The following TEX2 variants were observed in gnomAD, a reference collection of about 807,000 sequenced individuals.
TEX2 encodes testis-expressed protein 2.
A neutral mutation model predicts 106.9 loss-of-function variants in TEX2; 53 were observed. That is an observed-to-expected ratio of 0.50 (90% CI 0.40 to 0.62). The LOEUF (loss-of-function observed/expected upper bound fraction) is 0.62, where lower values mean the gene tolerates loss of function less well. TEX2 is among the 20% of genes least tolerant of loss of function. TEX2 has a pLI of 0.00. For synonymous variants in TEX2, 523 were observed against 534.8 expected (o/e 0.98, Z 0.30); for missense variants, 1,207 against 1,379.0 (o/e 0.88, Z 1.98).
At chr17:64,170,622 C>CTTTGTT (rs2031341343) in intron 7 of TEX2, among the ~76,000 whole-genome samples, 1 of 73,742 alleles carries the variant, frequency 1.4e-5, no homozygotes, top group Non-Finnish European at 2.4e-5. Context: ...TATTCCAAAT[C>CTTTGTT]TTTTTTTTTT....
chr17:64,178,708 C>A (rs2031712483), intron 5 of TEX2, among the ~76,000 whole-genome samples: 1 of 152,150 alleles, frequency 6.6e-6, no homozygotes, highest in Admixed American at 6.5e-5. Context: ...GTGAATTATT[C>A]CCCCTTTCCC....
In TEX2 at chr17:64,213,117, A is replaced by G. The variant is rs782545798; in HGVS notation, c.1101T>C (p.Ser367=). 6.2e-7 allele frequency: 1 copy of G among 1,614,156 alleles called. No individual in the cohort carries two copies. Among genetic ancestry groups the G allele is most frequent in the Non-Finnish European group, 8.5e-7 (1 of 1,180,032 alleles). ...GYGSDSNIPR[S]DHPKSTGEPT... ...GCTCACCAGTGGACTTTGGGTGGTC[A>G]CTTCTGGGGATGTTGGAATCACTTC... The change falls in exon 2 of 12, where the codon AGT becomes AGC. Residue 367 remains serine, a synonymous_variant. Transcript: ENST00000584379. This position sits in a 1 kb window ranked among gnomAD's most constrained non-coding sequence, Gnocchi z 4.4.
intron 7 of TEX2, 127 bp downstream of exon 7, chr17:64,170,973 A>G: frequency 1.3e-6 from 1 of 742,570 alleles, no homozygotes; most frequent in Non-Finnish European, 2.2e-6. Flanking sequence ...AAGAACAGAA[A>G]GACACTCAAC....
chr17:64,165,003 C>CA (rs2031061182), intron 7 of TEX2, among the ~76,000 whole-genome samples: 1 of 152,216 alleles, frequency 6.6e-6, no homozygotes, highest in Admixed American at 6.5e-5. Context: ...TTAAGGGAAC[C>CA]AAAACCCTGC....
At chr17:64,255,201 T>C (rs2034162759) in intron 1 of TEX2, among the ~76,000 whole-genome samples, 1 of 152,072 alleles carries the variant, frequency 6.6e-6, no homozygotes, top group South Asian at 2.1e-4. Context: ...CACTGCCCAG[T>C]ACAGTTGCTA....
At position 64,214,278 on chromosome 17, in the gene TEX2, C is replaced by T. The variant is rs1298866558; in HGVS notation, c.-25-36G>A. 3 of 1,539,038 alleles carry T rather than the reference C, an allele frequency of 1.9e-6. No individual in the cohort carries two copies. The East Asian group carries it at 6.8e-5, about 35-fold the overall frequency. ...AGTGAGAAAACCAGAAGTCAGAGAG[C>T]AGTTTCTCCACAGGAGACGCTGTCA... On this transcript the variant is annotated intron_variant, in intron 1 of 11. Coordinates refer to ENST00000584379, the MANE Select transcript of TEX2 (RefSeq NM_001288732.2).
chr17:64,257,978 C>T (rs1251155893), intron 1 of TEX2, among the ~76,000 whole-genome samples: 1 of 151,248 alleles, frequency 6.6e-6, no homozygotes, highest in Non-Finnish European at 1.5e-5. Context: ...ATGGTGCAAT[C>T]TTGGCTCACT....
chr17:64,167,916 A>G (rs1425851801), intron 7 of TEX2, among the ~76,000 whole-genome samples: 1 of 152,194 alleles, frequency 6.6e-6, no homozygotes, highest in African/African-American at 2.4e-5. Context: ...TCGGGTCCAG[A>G]GCTGGTGCTC....
chr17:64,257,737 T>C (rs1386527285), intron 1 of TEX2, among the ~76,000 whole-genome samples: 1 of 152,188 alleles, frequency 6.6e-6, no homozygotes, highest in African/African-American at 2.4e-5. Context: ...ACAAGATTAA[T>C]GACGCTGGCA....
intron 7 of TEX2, among the ~76,000 whole-genome samples, chr17:64,167,471 T>C (rs1216539732): frequency 6.6e-6 from 1 of 152,060 alleles, no homozygotes; most frequent in African/African-American, 2.4e-5. Context: ...TAGTGCCTTT[T>C]TTGTATTGAC....
At chr17:64,240,216 A>C (rs2033860665) in intron 1 of TEX2, among the ~76,000 whole-genome samples, 1 of 148,834 alleles carries the variant, frequency 6.7e-6, no homozygotes, top group African/African-American at 2.6e-5. Flanking sequence ...GATGTATATA[A>C]GTATGTGTAT....
intron 11 of TEX2, 75 bp from the exon 12 acceptor site, chr17:64,149,166 T>G: frequency 1.3e-6 from 2 of 1,533,544 alleles, no homozygotes; most frequent in Non-Finnish European, 1.8e-6. Context: ...GTTCTGATAA[T>G]TTTAGGGCTT....
intron 1 of TEX2, among the ~76,000 whole-genome samples, chr17:64,260,462 G>A (rs1292082462): frequency 3.5e-4 from 1 of 2,834 alleles, no homozygotes; most frequent in Non-Finnish European, 6.8e-4. Context: ...GAGCCACTGT[G>A]CCTGGCCCAA....
At chr17:64,196,336 A>G (rs2032465288) in intron 2 of TEX2, among the ~76,000 whole-genome samples, 1 of 152,242 alleles carries the variant, frequency 6.6e-6, no homozygotes, top group Non-Finnish European at 1.5e-5. Flanking sequence ...AATAGAGACA[A>G]GTTGTCACAA....
chr17:64,222,815 A>G (rs1156903821), intron 1 of TEX2, among the ~76,000 whole-genome samples: 1 of 146,398 alleles, frequency 6.8e-6, no homozygotes, highest in African/African-American at 2.5e-5. Flanking sequence ...ATGCTCCCAT[A>G]CATTTGGGGT....
intron 1 of TEX2, among the ~76,000 whole-genome samples, chr17:64,229,787 G>A (rs1555634387): frequency 6.6e-6 from 1 of 152,124 alleles, no homozygotes; most frequent in African/African-American, 2.4e-5. Context: ...AAACTGTAAA[G>A]CATTGAATTT....
intron 1 of TEX2, among the ~76,000 whole-genome samples, chr17:64,254,249 T>G (rs1318211005): frequency 6.6e-6 from 1 of 152,206 alleles, no homozygotes; most frequent in Non-Finnish European, 1.5e-5. Flanking sequence ...TAAAGGAAGA[T>G]CATGAGTCCC....
Position 64,172,970 on chromosome 17 carries a change from G to A in TEX2, c.2572-1771C>T, listed in dbSNP as rs776709872. ...TCTGCTTGGATTTGTGGATGTATAT[G>A]TATTTCTTAAAATATTTATTCCATT... On this transcript the variant is annotated intron_variant, in intron 6 of 11. Coordinates refer to ENST00000584379, the MANE Select transcript of TEX2 (RefSeq NM_001288732.2). 6.1e-4 allele frequency among the ~76,000 whole-genome samples: 93 copies of A among 152,132 alleles called. 1 individual carries two copies. The highest frequency in any genetic ancestry group is 9.8e-4 in the Admixed American group (15 of 15,266).
intron 5 of TEX2, among the ~76,000 whole-genome samples, chr17:64,182,120 G>A (rs561014175): frequency 3.0e-4 from 46 of 152,222 alleles, no homozygotes; most frequent in Non-Finnish European, 5.3e-4. Context: ...AATGGCGTAC[G>A]TACACAATGG....
Sources: gnomAD v4.1 joint callset for allele counts (sites outside exome capture counted in the v4.1 genomes callset) on GRCh38, gnomAD v4.1.1 for gene constraint, Gnocchi (gnomAD v3.1) non-coding constraint, MANE v1.5 for transcripts, NCBI Gene and HGNC (gene_info 2026-07-23, HGNC 2026-07-21) for gene names.